The following ROBO2 variants were observed in gnomAD, a reference collection of about 807,000 sequenced individuals.
The protein encoded by ROBO2 is roundabout guidance receptor 2.
In ROBO2, 53 loss-of-function variants were observed where a neutral mutation model predicts 160.8. The ratio of observed to expected loss-of-function variants is 0.33; its 90% CI spans 0.26 to 0.41. The LOEUF (loss-of-function observed/expected upper bound fraction) is 0.41, where lower values mean the gene tolerates loss of function less well. ROBO2 is among the 10% of genes least tolerant of loss of function. The probability of loss-of-function intolerance (pLI) is 1.00; values close to 1 mark genes in which losing one functional copy is unlikely to be tolerated. For missense variants in ROBO2, 1,577 were observed against 1,722.4 expected (o/e 0.92, Z 1.49); for synonymous variants, 664 against 611.7 (o/e 1.09, Z -1.26).
intron 2 of ROBO2, among the ~76,000 whole-genome samples, chr3:76,848,496 G>A (rs1368468451): frequency 1.6e-4 from 24 of 152,180 alleles, no homozygotes; most frequent in Non-Finnish European, 1.0e-4. Flanking sequence ...GAAACCCACC[G>A]CTACCTCTGG....
intron 2 of ROBO2, among the ~76,000 whole-genome samples, chr3:77,112,264 G>A (rs2073716625): frequency 6.7e-6 from 1 of 150,296 alleles, no homozygotes; most frequent in Non-Finnish European, 1.5e-5. Context: ...GGACGCAGGG[G>A]CCGGAGTCTC....
intron 2 of ROBO2, among the ~76,000 whole-genome samples, chr3:76,621,521 G>A (rs2089080175): frequency 6.6e-6 from 1 of 152,132 alleles, no homozygotes. Flanking sequence ...AGAACTACTG[G>A]ATATTGAATT....
chr3:76,656,848 G>A (rs1050834565), intron 2 of ROBO2, among the ~76,000 whole-genome samples: 14 of 151,970 alleles, frequency 9.2e-5, no homozygotes, highest in Non-Finnish European at 2.1e-4. Context: ...TTAACCAATT[G>A]CTTGATTCTC....
chr3:76,465,565 C>A (rs2078316515), intron 2 of ROBO2, among the ~76,000 whole-genome samples: 1 of 151,946 alleles, frequency 6.6e-6, no homozygotes. Flanking sequence ...AAAATTGCAG[C>A]AGATCATTCA....
intron 2 of ROBO2, among the ~76,000 whole-genome samples, chr3:76,043,620 CA>C (rs56988287): frequency 0.046 from 1,752 of 38,370 alleles, 15 homozygotes; most frequent in African/African-American, 0.16. Flanking sequence ...CTTCATCGTC[CA>C]AAAAAAAAAA....
At chr3:76,656,253 C>A (rs1253234993) in intron 2 of ROBO2, among the ~76,000 whole-genome samples, 3 of 152,098 alleles carry the variant, frequency 2.0e-5, no homozygotes, top group African/African-American at 7.2e-5. Flanking sequence ...ACTGAAAGTT[C>A]ATTGTTTACT....
intron 2 of ROBO2, among the ~76,000 whole-genome samples, chr3:76,943,692 T>G (rs1430419528): frequency 2.0e-5 from 3 of 152,232 alleles, no homozygotes; most frequent in Non-Finnish European, 4.4e-5. Flanking sequence ...AGCCACTGTT[T>G]GTATCAGTAC....
intron 2 of ROBO2, among the ~76,000 whole-genome samples, chr3:76,537,379 A>C (rs963070342): frequency 1.7e-4 from 26 of 152,102 alleles, no homozygotes; most frequent in Admixed American, 3.9e-4. Flanking sequence ...ATTGGGGCCG[A>C]AGGTATTGCA....
chr3:76,747,227 G>C (rs568680064), intron 2 of ROBO2, among the ~76,000 whole-genome samples: 1 of 152,076 alleles, frequency 6.6e-6, no homozygotes, highest in Non-Finnish European at 1.5e-5. Flanking sequence ...AACAACATCT[G>C]TTTAGTTTAG....
At chr3:76,181,634 C>G (rs1164900383) in intron 2 of ROBO2, among the ~76,000 whole-genome samples, 1 of 152,106 alleles carries the variant, frequency 6.6e-6, no homozygotes, top group Non-Finnish European at 1.5e-5. Flanking sequence ...CAAATAATTA[C>G]TAAGATTCCA....
intron 2 of ROBO2, among the ~76,000 whole-genome samples, chr3:76,120,299 G>A (rs2070696078): frequency 6.6e-6 from 1 of 152,090 alleles, no homozygotes; most frequent in East Asian, 1.9e-4. Context: ...ACCACGCCTG[G>A]AGGCTTTTCT....
chr3:76,503,746 T>C (rs1001633463), intron 2 of ROBO2, among the ~76,000 whole-genome samples: 7 of 152,132 alleles, frequency 4.6e-5, no homozygotes. Flanking sequence ...TATTAAAAAG[T>C]TGAAGATCAT....
chr3:76,744,677 T>G (rs556371082), intron 2 of ROBO2, among the ~76,000 whole-genome samples: 1 of 152,216 alleles, frequency 6.6e-6, no homozygotes, highest in Admixed American at 6.5e-5. Flanking sequence ...TGACCGCTTT[T>G]GAGGCCTCCT....
chr3:76,357,997 T>C (rs2075280520), intron 2 of ROBO2, among the ~76,000 whole-genome samples: 1 of 151,644 alleles, frequency 6.6e-6, no homozygotes, highest in Admixed American at 6.6e-5. Context: ...TACTTTATAG[T>C]TTATTTGCTT....
chr3:76,098,763 T>C (rs1025800109), intron 2 of ROBO2, among the ~76,000 whole-genome samples: 1 of 152,166 alleles, frequency 6.6e-6, no homozygotes, highest in Non-Finnish European at 1.5e-5. Flanking sequence ...GCCTTAAATG[T>C]TGTGGCCATG....
At chr3:75,908,491 T>A (rs1320896590) in intron 1 of ROBO2, among the ~76,000 whole-genome samples, 9 of 152,060 alleles carry the variant, frequency 5.9e-5, no homozygotes, top group Admixed American at 5.9e-4. Context: ...TTATCTAGAT[T>A]TCTGTAATTA....
chr3:76,649,392 T>C (rs1261599279), intron 2 of ROBO2, among the ~76,000 whole-genome samples: 3 of 152,192 alleles, frequency 2.0e-5, no homozygotes, highest in African/African-American at 7.2e-5. Context: ...AATTATGCTA[T>C]GGAAGAATAC....
intron 2 of ROBO2, among the ~76,000 whole-genome samples, chr3:76,251,958 A>G (rs1372971385): frequency 6.6e-6 from 1 of 152,066 alleles, no homozygotes; most frequent in Non-Finnish European, 1.5e-5. Flanking sequence ...AAAAATATCA[A>G]ATAAAACAAT....
chr3:77,616,705 C>A (rs1469467113), intron 21 of ROBO2, among the ~76,000 whole-genome samples: 1 of 151,986 alleles, frequency 6.6e-6, no homozygotes, highest in Non-Finnish European at 1.5e-5. Flanking sequence ...AGTATTCAGA[C>A]TACAGAGAAT....
Sources: allele counts gnomAD v4.1 joint callset (sites outside exome capture counted in the v4.1 genomes callset), GRCh38; gene constraint gnomAD v4.1.1; transcripts MANE v1.5; gene names NCBI Gene and HGNC (gene_info 2026-07-23, HGNC 2026-07-21).